Variants in DARS1 observed in about 807,000 individuals in gnomAD.
DARS1 encodes aspartate--tRNA ligase, cytoplasmic.
DARS1 carries 51 observed loss-of-function variants against 68.8 expected under a neutral mutation model. That is an observed-to-expected ratio of 0.74 (90% CI 0.59 to 0.94). DARS1 has a LOEUF of 0.94. Ranked by LOEUF, DARS1 falls within the 40% of genes least tolerant of loss-of-function variation. DARS1 has a pLI of 0.00. For synonymous variants in DARS1, 203 were observed against 190.4 expected (o/e 1.07, Z -0.55); for missense variants, 607 against 597.3 (o/e 1.02, Z -0.17).
chr2:135,934,768 G>A (rs903854492), intron 5 of DARS1, among the ~76,000 whole-genome samples: 3 of 151,804 alleles, frequency 2.0e-5, no homozygotes, highest in African/African-American at 7.3e-5. Flanking sequence ...CTCATGTGAA[G>A]GAGCAATTAA....
At chr2:135,955,921 A>G (rs1681963211) in intron 4 of DARS1, among the ~76,000 whole-genome samples, 1 of 152,066 alleles carries the variant, frequency 6.6e-6, no homozygotes. Flanking sequence ...GGCTTCCCAA[A>G]GTGCTGGGAT....
chr2:135,926,204 A>G (rs1369233183), intron 7 of DARS1, among the ~76,000 whole-genome samples: 1 of 152,152 alleles, frequency 6.6e-6, no homozygotes, highest in African/African-American at 2.4e-5. Context: ...ACTCACTTCA[A>G]CATCTTGCTA....
chr2:135,913,158 A>G (rs1256319738), intron 12 of DARS1, among the ~76,000 whole-genome samples: 1 of 150,462 alleles, frequency 6.6e-6, no homozygotes, highest in Non-Finnish European at 1.5e-5. Context: ...ATTCTAGTTC[A>G]TCTAGTCATT....
intron 3 of DARS1, among the ~76,000 whole-genome samples, chr2:135,970,144 A>T (rs1682333386): frequency 6.6e-6 from 1 of 150,404 alleles, no homozygotes; most frequent in South Asian, 2.1e-4. Context: ...TGGGAGGGTG[A>T]GGCAGGAGGA....
At chr2:135,952,310 T>C (rs542939647) in intron 4 of DARS1, among the ~76,000 whole-genome samples, 1 of 152,282 alleles carries the variant, frequency 6.6e-6, no homozygotes, top group South Asian at 2.1e-4. Context: ...TTGTACATAT[T>C]TATGAGGTAC....
chr2:135,933,701 A>G (rs925946166), intron 6 of DARS1, among the ~76,000 whole-genome samples: 1 of 152,178 alleles, frequency 6.6e-6, no homozygotes, highest in Non-Finnish European at 1.5e-5. Context: ...ACCAATAAAA[A>G]CAAAAGCTTG....
In DARS1 at chr2:135,932,769, T is replaced by C; in HGVS notation, c.564+14A>G. 2 of 1,150,676 alleles carry C rather than the reference T, an allele frequency of 1.7e-6. No homozygotes were observed. Among genetic ancestry groups the C allele is most frequent in the Non-Finnish European group, 2.6e-6 (2 of 767,380 alleles). The allele number at this position is 1,150,676 out of a possible 1,614,324, so 71.3% of individuals were successfully genotyped here. On this transcript the variant is annotated intron_variant, in intron 7 of 15. Transcript: ENST00000264161. ...CGGCATAATTGCTTCACTTAATAAATAAATGAGGCATACCCTAAGATCAAT... is the reference window on the plus strand; with the variant it reads ...CGGCATAATTGCTTCACTTAATAAACAAATGAGGCATACCCTAAGATCAAT...
chr2:135,971,478 AG>A (rs1296067808), intron 3 of DARS1, among the ~76,000 whole-genome samples: 1 of 152,216 alleles, frequency 6.6e-6, no homozygotes, highest in Admixed American at 6.5e-5. Context: ...ACACACAGCT[AG>A]TATTGTACTG....
At chr2:135,933,769 G>T in intron 6 of DARS1, 141 bp downstream of exon 6, 1 of 1,271,398 alleles carries the variant, frequency 7.9e-7, no homozygotes, top group African/African-American at 1.5e-5. Flanking sequence ...AAAGGTTTGA[G>T]AATTGCTGAT....
At chr2:135,981,091 T>C (rs1049786650) in intron 2 of DARS1, among the ~76,000 whole-genome samples, 4 of 152,290 alleles carry the variant, frequency 2.6e-5, no homozygotes, top group African/African-American at 2.4e-5. Context: ...GAGCAAAGAA[T>C]TGGCATTTTT....
At chr2:135,940,200 A>C (rs1047172485) in intron 5 of DARS1, among the ~76,000 whole-genome samples, 5 of 152,194 alleles carry the variant, frequency 3.3e-5, no homozygotes, top group African/African-American at 1.2e-4. Context: ...GCAGAGACAT[A>C]ACAAAAAAAA....
chr2:135,965,906 T>C (rs1286800863), intron 3 of DARS1, among the ~76,000 whole-genome samples: 10 of 152,196 alleles, frequency 6.6e-5, no homozygotes, highest in Non-Finnish European at 1.3e-4. Flanking sequence ...TAAATAGAAC[T>C]GTCCACTCAG....
intron 5 of DARS1, among the ~76,000 whole-genome samples, chr2:135,942,621 T>G (rs1575394917): frequency 6.6e-6 from 1 of 152,218 alleles, no homozygotes; most frequent in East Asian, 1.9e-4. Flanking sequence ...ACCTGCACGT[T>G]GTGCACATGT....
intron 1 of DARS1, among the ~76,000 whole-genome samples, chr2:135,983,845 C>T (rs1215294892): frequency 2.6e-5 from 4 of 152,208 alleles, no homozygotes; most frequent in African/African-American, 9.6e-5. Context: ...GTTTTATTAA[C>T]TTCCTATTAC....
At position 135,914,439 on chromosome 2, in the gene DARS1, AAAAG is replaced by A. The variant is rs771760357; in HGVS notation, c.1149+26_1149+29del. 7.5e-6 allele frequency: 8 copies of A among 1,066,946 alleles called. No individual in the cohort carries two copies. The South Asian group carries it at 1.0e-4, about 13-fold the overall frequency. The allele number at this position is 1,066,946 out of a possible 1,614,324, so 66.1% of individuals were successfully genotyped here. ...TCCCAAGAGACATTTCAGAATTAGA[AAAAG>A]AAATCCAGCATATAAAGAGTCCTAC... On this transcript the variant is annotated intron_variant, in intron 12 of 15. Transcript: ENST00000264161.
intron 2 of DARS1, 107 bp from the exon 3 acceptor site, chr2:135,979,473 T>A: frequency 1.5e-6 from 1 of 655,782 alleles, no homozygotes; most frequent in Non-Finnish European, 2.7e-6. Context: ...CTTGGAACCA[T>A]CCTGAATAAT....
intron 4 of DARS1, among the ~76,000 whole-genome samples, chr2:135,956,840 T>C (rs1306283455): frequency 2.0e-5 from 3 of 151,432 alleles, no homozygotes; most frequent in Admixed American, 2.0e-4. Flanking sequence ...CTCGGCTCAC[T>C]GCAACCTCCA....
intron 5 of DARS1, among the ~76,000 whole-genome samples, chr2:135,942,317 T>C (rs1575394731): frequency 6.6e-6 from 1 of 152,038 alleles, no homozygotes; most frequent in Non-Finnish European, 1.5e-5. Flanking sequence ...TGGAATACTA[T>C]GCAGCCATAA....
intron 3 of DARS1, among the ~76,000 whole-genome samples, chr2:135,971,202 A>G (rs145922285): frequency 1.3e-5 from 2 of 152,322 alleles, no homozygotes; most frequent in East Asian, 3.9e-4. Context: ...ACAAAATACT[A>G]GCAAACCAAA....
Sources: gnomAD v4.1 joint callset for allele counts (sites outside exome capture counted in the v4.1 genomes callset) on GRCh38, gnomAD v4.1.1 for gene constraint, MANE v1.5 for transcripts, NCBI Gene and HGNC (gene_info 2026-07-23, HGNC 2026-07-21) for gene names.